The following ERBIN variants were observed in gnomAD, a reference collection of about 807,000 sequenced individuals.
The protein encoded by ERBIN is densin-180-like protein.
ERBIN carries 60 observed loss-of-function variants against 158.4 expected under a neutral mutation model. The observed-to-expected ratio is 0.38, with a 90% CI of 0.31 to 0.47. The LOEUF (loss-of-function observed/expected upper bound fraction) is 0.47. Ranked by LOEUF, ERBIN falls within the 20% of genes least tolerant of loss-of-function variation. The pLI is 0.99. For missense variants in ERBIN, 1,610 were observed against 1,648.0 expected, an observed-to-expected ratio of 0.98 and a Z score of 0.40; for synonymous variants, 594 against 557.2, an observed-to-expected ratio of 1.07 and a Z score of -0.93.
intron 1 of ERBIN, among the ~76,000 whole-genome samples, chr5:65,981,716 A>C (rs189588174): frequency 1.4e-4 from 21 of 152,266 alleles, no homozygotes; most frequent in African/African-American, 4.3e-4. Context: ...ACTTGGCTTA[A>C]AACGATAGCA....
intron 21 of ERBIN, among the ~76,000 whole-genome samples, chr5:66,068,626 TTA>T (rs561612280): frequency 2.6e-5 from 4 of 152,286 alleles, no homozygotes; most frequent in Non-Finnish European, 5.9e-5. Context: ...CTAAAAGCAG[TTA>T]TATGTCTGTA....
intron 21 of ERBIN, among the ~76,000 whole-genome samples, chr5:66,056,683 T>C (rs1759615235): frequency 1.3e-5 from 2 of 152,152 alleles, no homozygotes; most frequent in Non-Finnish European, 2.9e-5. Context: ...AAGAGAAGCC[T>C]TATGAGAAAA....
intron 1 of ERBIN, among the ~76,000 whole-genome samples, chr5:65,955,365 C>T (rs1270982729): frequency 6.6e-6 from 1 of 152,140 alleles, no homozygotes; most frequent in Non-Finnish European, 1.5e-5. Flanking sequence ...GATGGTGGCT[C>T]ATGCCTGTAA....
chr5:65,990,054 A>G (rs946100806), intron 2 of ERBIN, among the ~76,000 whole-genome samples: 3 of 152,238 alleles, frequency 2.0e-5, no homozygotes, highest in African/African-American at 7.2e-5. Context: ...GATTGTTACT[A>G]AGTAGTAAAC....
intron 25 of ERBIN, among the ~76,000 whole-genome samples, chr5:66,078,067 G>A (rs574448461): frequency 6.6e-6 from 1 of 152,308 alleles, no homozygotes; most frequent in Admixed American, 6.5e-5. Context: ...TGGTCTTGAT[G>A]TGATGGCTCC....
intron 21 of ERBIN, among the ~76,000 whole-genome samples, chr5:66,065,590 CCT>C (rs1760889811): frequency 9.1e-6 from 1 of 109,394 alleles, no homozygotes; most frequent in Non-Finnish European, 1.9e-5. Flanking sequence ...TTAATTTTGA[CCT>C]GTGTGTGTGT....
At chr5:66,048,174 T>G (rs935111073) in intron 18 of ERBIN, among the ~76,000 whole-genome samples, 1 of 151,888 alleles carries the variant, frequency 6.6e-6, no homozygotes, top group Non-Finnish European at 1.5e-5. Flanking sequence ...TGTTATGTTA[T>G]TAACATTTTA....
chr5:66,011,443 T>A (rs1340353275), intron 4 of ERBIN, among the ~76,000 whole-genome samples: 2 of 152,208 alleles, frequency 1.3e-5, no homozygotes, highest in Non-Finnish European at 2.9e-5. Context: ...ATCTCAGCAC[T>A]TTGGGAGATC....
intron 1 of ERBIN, among the ~76,000 whole-genome samples, chr5:65,970,880 A>G (rs555974528): frequency 1.1e-4 from 16 of 152,292 alleles, no homozygotes; most frequent in African/African-American, 3.4e-4. Context: ...CTGGGTGGCT[A>G]TCATGTTTTA....
At chr5:65,941,781 C>T (rs1335231635) in intron 1 of ERBIN, among the ~76,000 whole-genome samples, 1 of 151,960 alleles carries the variant, frequency 6.6e-6, no homozygotes, top group Non-Finnish European at 1.5e-5. Flanking sequence ...CGTTTTGTCG[C>T]CCAGGCTGGA....
chr5:65,965,484 A>T (rs1278023170), intron 1 of ERBIN, among the ~76,000 whole-genome samples: 1 of 141,380 alleles, frequency 7.1e-6, no homozygotes, highest in Non-Finnish European at 1.5e-5. Flanking sequence ...GGCTCACTGC[A>T]CCCTTCGCCT....
chr5:65,968,867 T>C (rs1748952279), intron 1 of ERBIN, among the ~76,000 whole-genome samples: 1 of 152,218 alleles, frequency 6.6e-6, no homozygotes, highest in Non-Finnish European at 1.5e-5. Context: ...GGCCTATTGC[T>C]TTTATTTTTA....
chr5:66,010,021 G>A (rs1754036529), intron 4 of ERBIN, among the ~76,000 whole-genome samples: 1 of 152,210 alleles, frequency 6.6e-6, no homozygotes, highest in Non-Finnish European at 1.5e-5. Context: ...ACTTTCCATA[G>A]TGGGTATATC....
chr5:65,964,573 G>A (rs1748311027), intron 1 of ERBIN, among the ~76,000 whole-genome samples: 1 of 152,110 alleles, frequency 6.6e-6, no homozygotes, highest in Admixed American at 6.6e-5. Flanking sequence ...GGAAAACTAT[G>A]TACTTGCAAC....
intron 25 of ERBIN, among the ~76,000 whole-genome samples, chr5:66,077,813 C>T (rs1762150402): frequency 7.4e-6 from 1 of 135,922 alleles, no homozygotes; most frequent in African/African-American, 3.7e-5. Context: ...CACACACAGT[C>T]ACACTCACTC....
At chr5:66,023,505 C>G in intron 9 of ERBIN, 141 bp downstream of exon 9, 1 of 505,164 alleles carries the variant, frequency 2.0e-6, no homozygotes. Context: ...TACTTTTTTT[C>G]ATGAGCACAT....
intron 1 of ERBIN, among the ~76,000 whole-genome samples, chr5:65,932,233 G>C (rs1035062407): frequency 6.6e-6 from 1 of 151,848 alleles, no homozygotes; most frequent in Non-Finnish European, 1.5e-5. Flanking sequence ...CAGCTACTCA[G>C]GAGGCTGAGG....
chr5:66,073,980 A>C (rs1416106589), intron 22 of ERBIN, among the ~76,000 whole-genome samples: 1 of 151,372 alleles, frequency 6.6e-6, no homozygotes, highest in African/African-American at 2.4e-5. Context: ...CTGGGCTCAA[A>C]TGATCCTCCT....
intron 1 of ERBIN, among the ~76,000 whole-genome samples, chr5:65,972,649 T>G (rs1005034410): frequency 6.6e-6 from 1 of 151,522 alleles, no homozygotes; most frequent in African/African-American, 2.5e-5. Context: ...ATCTTCAGCC[T>G]TAAGGGATGT....
Sources: gnomAD v4.1 joint callset for allele counts (sites outside exome capture counted in the v4.1 genomes callset) on GRCh38, gnomAD v4.1.1 for gene constraint, MANE v1.5 for transcripts, NCBI Gene and HGNC (gene_info 2026-07-23, HGNC 2026-07-21) for gene names.